Variants in CHRNA5 observed in about 807,000 individuals in gnomAD.
The protein encoded by CHRNA5 is neuronal acetylcholine receptor subunit alpha-5.
CHRNA5 carries 28 observed loss-of-function variants against 41.2 expected under a neutral mutation model. That is an observed-to-expected ratio of 0.68 (90% CI 0.50 to 0.93). The LOEUF (loss-of-function observed/expected upper bound fraction) is 0.93. Among genes scored for constraint, CHRNA5 ranks in the 40% least tolerant of loss-of-function variants. CHRNA5 has a pLI of 0.00. For synonymous variants in CHRNA5, 188 were observed against 205.8 expected, an observed-to-expected ratio of 0.91 and a Z score of 0.74; for missense variants, 481 against 581.9, an observed-to-expected ratio of 0.83 and a Z score of 1.78.
At chr15:78,582,636 A>G (rs1261094734) in intron 2 of CHRNA5, among the ~76,000 whole-genome samples, 2 of 152,206 alleles carry the variant, frequency 1.3e-5, no homozygotes, top group Non-Finnish European at 2.9e-5. Flanking sequence ...ATCTTAATGA[A>G]TGACCTTATC....
exon 6 of CHRNA5, chr15:78,594,804 C>G (rs2053073550): frequency 6.6e-6 from 1 of 152,198 alleles, no homozygotes; most frequent in Admixed American, 6.5e-5. Flanking sequence ...TTCATTCTAA[C>G]AATTACAATA....
intron 3 of CHRNA5, 149 bp downstream of exon 3, chr15:78,586,838 A>C: frequency 1.5e-6 from 1 of 676,330 alleles, no homozygotes; most frequent in Admixed American, 2.4e-5. Context: ...GGCAGGACAC[A>C]GAAAGATGAG....
exon 1 of CHRNA5, chr15:78,565,637 C>A: frequency 2.9e-6 from 1 of 342,834 alleles, no homozygotes; most frequent in Non-Finnish European, 4.5e-6. Context: ...GACTCACACT[C>A]AGTGCTCCAT....
rs562097404 is a variant in CHRNA5 at position 78,577,713 on chromosome 15, G to A, written c.107-3098G>A. Among the ~76,000 whole-genome samples the A allele has an allele frequency of 2.6e-5, 4 of 152,014 alleles. No homozygotes were observed. In the South Asian group the frequency reaches 8.4e-4, roughly 32 times the overall value. On this transcript the variant is annotated intron_variant, in intron 1 of 5. Transcript: ENST00000299565. ...TTTGGGAGGCAGAGGCTAGCAGATC[G>A]CTTGAGCTCAGGAGTTCAAGACCAG... is the stretch of plus-strand genomic sequence containing the variant.
At chr15:78,592,480 G>GC (rs1449568610) in intron 5 of CHRNA5, among the ~76,000 whole-genome samples, 3 of 152,296 alleles carry the variant, frequency 2.0e-5, no homozygotes, top group Admixed American at 2.0e-4. Context: ...AGAAAGGGGA[G>GC]CCCCTGCTGC....
At chr15:78,580,757 G>A (rs72650608) in intron 1 of CHRNA5, 54 bp from the exon 2 acceptor site, 62 of 1,484,936 alleles carry the variant, frequency 4.2e-5, no homozygotes, top group Non-Finnish European at 5.3e-5. Flanking sequence ...TGAAAGTACA[G>A]GTATCTGGTG....
chr15:78,590,727 C>A, intron 5 of CHRNA5, 91 bp downstream of exon 5: 1 of 1,031,420 alleles, frequency 9.7e-7, no homozygotes, highest in Non-Finnish European at 1.4e-6. Context: ...ACAGCATGAC[C>A]CTTAAGTAAG....
At chr15:78,590,819 C>T in intron 5 of CHRNA5, 183 bp downstream of exon 5, 1 of 578,358 alleles carries the variant, frequency 1.7e-6, no homozygotes. Flanking sequence ...GTTAAAGCAC[C>T]TGCAAAATGG....
rs777707103 is a variant in CHRNA5, at chr15:78,593,199, T to G, written c.1353T>G (p.Ile451Met). 3.1e-6 allele frequency: 5 copies of G among 1,613,736 alleles called. No individual in the cohort carries two copies. In the South Asian group the frequency reaches 5.5e-5, roughly 18 times the overall value. The change falls in exon 6 of 6, where the codon ATT (isoleucine) becomes ATG (methionine). Residue 451 changes from isoleucine to methionine, a missense_variant. Coordinates refer to ENST00000299565, the Ensembl canonical transcript of CHRNA5. ...CTCTTGGGCTTTTTGTTCCTGTTATTTATAAATGGGCAAATATATTAATAC... is the reference window on the plus strand; with the variant it reads ...CTCTTGGGCTTTTTGTTCCTGTTATGTATAAATGGGCAAATATATTAATAC...
chr15:78,592,996 A>G (rs1158547249), intron 5 of CHRNA5, 96 bp from the exon 6 acceptor site: 14 of 1,466,626 alleles, frequency 9.5e-6, no homozygotes, highest in African/African-American at 2.8e-5. Flanking sequence ...TGGGAGGCAG[A>G]AATCGATTTG....
intron 2 of CHRNA5, among the ~76,000 whole-genome samples, chr15:78,585,791 C>CTTTTTTTTTTTTT (rs752254237): frequency 2.3e-5 from 3 of 130,612 alleles, no homozygotes; most frequent in Non-Finnish European, 4.7e-5. Context: ...TCTTTTCTTT[C>CTTTTTTTTTTTTT]TTTTTTTTTT....
exon 5 of CHRNA5, chr15:78,590,282 G>T (rs201779372): frequency 6.2e-5 from 100 of 1,613,804 alleles, no homozygotes; most frequent in Admixed American, 2.0e-4. Flanking sequence ...TCTTCCTTCT[G>T]GTTATTGAAG....
At chr15:78,586,831 A>G in intron 3 of CHRNA5, 142 bp downstream of exon 3, 1 of 675,002 alleles carries the variant, frequency 1.5e-6, no homozygotes, top group African/African-American at 1.8e-5. Flanking sequence ...GTGGATTGGC[A>G]GGACACAGAA....
chr15:78,576,144 T>G (rs1339485424), intron 1 of CHRNA5, among the ~76,000 whole-genome samples: 2 of 151,904 alleles, frequency 1.3e-5, no homozygotes, highest in Admixed American at 6.6e-5. Context: ...TTTGTTTGTT[T>G]TTTTTTTTGT....
intron 1 of CHRNA5, among the ~76,000 whole-genome samples, 178 bp from the exon 2 acceptor site, chr15:78,580,632 CT>C (rs905195562): frequency 1.3e-5 from 2 of 150,478 alleles, no homozygotes; most frequent in African/African-American, 2.4e-5. Flanking sequence ...ATAATCTGAA[CT>C]TTTTTTTTCC....
intron 1 of CHRNA5, among the ~76,000 whole-genome samples, chr15:78,575,470 G>A (rs1232975647): frequency 6.6e-6 from 1 of 152,062 alleles, no homozygotes; most frequent in Middle Eastern, 3.2e-3. Flanking sequence ...GCTATTAGCA[G>A]GTTGTATTAT....
At chr15:78,582,354 C>T (rs1001197368) in intron 2 of CHRNA5, among the ~76,000 whole-genome samples, 2 of 151,654 alleles carry the variant, frequency 1.3e-5, no homozygotes, top group East Asian at 1.9e-4. Context: ...GGCGGTGGTC[C>T]GTGCCTGTAA....
At chr15:78,575,950 G>A (rs918262204) in intron 1 of CHRNA5, among the ~76,000 whole-genome samples, 9 of 152,126 alleles carry the variant, frequency 5.9e-5, no homozygotes, top group African/African-American at 1.4e-4. Context: ...AAATGTCTAA[G>A]TTAATTTAGA....
chr15:78,590,021 A>T, exon 5 of CHRNA5: 1 of 1,614,196 alleles, frequency 6.2e-7, no homozygotes, highest in Non-Finnish European at 8.5e-7. Context: ...TAGACAAGAG[A>T]GATTTTTTTG....
Sources: allele counts gnomAD v4.1 joint callset (sites outside exome capture counted in the v4.1 genomes callset), GRCh38; gene constraint gnomAD v4.1.1; transcripts MANE v1.5; gene names NCBI Gene and HGNC (gene_info 2026-07-23, HGNC 2026-07-21).